Variants in DPP10 observed in about 807,000 individuals in gnomAD.
The protein encoded by DPP10 is dipeptidyl peptidase like 10.
DPP10 carries 33 observed loss-of-function variants against 120.9 expected under a neutral mutation model. The observed-to-expected ratio is 0.27, with a 90% CI of 0.21 to 0.37. The LOEUF (loss-of-function observed/expected upper bound fraction) is 0.37. Ranked by LOEUF, DPP10 falls within the 10% of genes least tolerant of loss-of-function variation. The pLI is 1.00. For missense variants in DPP10, 816 were observed against 942.8 expected (o/e 0.87, Z 1.76); for synonymous variants, 337 against 326.1 (o/e 1.03, Z -0.36).
At position 115,791,003 on chromosome 2, in the gene DPP10, A is replaced by G. The variant is rs1389515711; in HGVS notation, c.1532-78A>G. 3 of 991,102 alleles carry G rather than the reference A, an allele frequency of 3.0e-6. No individual in the cohort carries two copies. The East Asian group carries it at 7.6e-5, about 25-fold the overall frequency. The allele number at this position is 991,102 out of a possible 1,614,324, so 61.4% of individuals were successfully genotyped here. ...GTGCCTGCCAAATGGTAACAAGTGG[A>G]TAATTTTTTGTTGTGTCACACTGAT... On this transcript the variant is annotated intron_variant, in intron 17 of 25. Transcript: ENST00000410059.
At chr2:114,598,497 G>A (rs938461558) in intron 1 of DPP10, among the ~76,000 whole-genome samples, 28 of 151,948 alleles carry the variant, frequency 1.8e-4, no homozygotes, top group Non-Finnish European at 3.4e-4. Context: ...CTATAACTGC[G>A]TTTCAAAGAA....
chr2:115,652,886 C>T (rs560388098), intron 5 of DPP10, among the ~76,000 whole-genome samples: 1 of 152,056 alleles, frequency 6.6e-6, no homozygotes, highest in African/African-American at 2.4e-5. Context: ...AACCACGTGA[C>T]TGGACACCCT....
rs372165331 is a variant in DPP10, at chr2:114,902,042, T to C, written c.61-407197T>C. On this transcript the variant is annotated intron_variant, in intron 1 of 25. Coordinates refer to ENST00000410059, the MANE Select transcript of DPP10 (RefSeq NM_020868.6). ...TTATCATGAGAGTTCTTTGAGAAAGTCAGTCAAAACTTAATCAGAAAAGTG... is the reference window on the plus strand; with the variant it reads ...TTATCATGAGAGTTCTTTGAGAAAGCCAGTCAAAACTTAATCAGAAAAGTG... Among the ~76,000 whole-genome samples, 22 of 152,254 alleles carry C rather than the reference T, an allele frequency of 1.4e-4. No homozygotes were observed. In the East Asian group the frequency reaches 3.5e-3, roughly 24 times the overall value.
At chr2:115,576,341 G>T (rs2081654023) in intron 5 of DPP10, among the ~76,000 whole-genome samples, 1 of 152,186 alleles carries the variant, frequency 6.6e-6, no homozygotes, top group African/African-American at 2.4e-5. Flanking sequence ...GTATAGCAGT[G>T]CATGATAAAT....
chr2:115,539,225 G>C (rs915858947), intron 5 of DPP10, among the ~76,000 whole-genome samples: 1 of 151,944 alleles, frequency 6.6e-6, no homozygotes, highest in Non-Finnish European at 1.5e-5. Context: ...TGTGGAAAAG[G>C]AAAACTCTGG....
At chr2:115,162,402 G>C in intron 1 of DPP10, 1 of 1,279,138 alleles carries the variant, frequency 7.8e-7, no homozygotes, top group Non-Finnish European at 1.0e-6. Context: ...CTGCGCTCCT[G>C]ACGGCCGCTC....
intron 1 of DPP10, among the ~76,000 whole-genome samples, chr2:114,781,416 C>T (rs190238503): frequency 5.3e-4 from 80 of 152,116 alleles, no homozygotes; most frequent in East Asian, 2.1e-3. Context: ...GTGGGATTCA[C>T]GGCTTAATGT....
At chr2:115,331,025 C>A (rs898589953) in intron 2 of DPP10, among the ~76,000 whole-genome samples, 1 of 152,124 alleles carries the variant, frequency 6.6e-6, no homozygotes, top group African/African-American at 2.4e-5. Flanking sequence ...GCAGTATGGC[C>A]ATTTTCACGA....
At chr2:115,404,550 A>G (rs910782096) in intron 3 of DPP10, among the ~76,000 whole-genome samples, 1 of 152,142 alleles carries the variant, frequency 6.6e-6, no homozygotes, top group Admixed American at 6.5e-5. Context: ...AAAAATTGAT[A>G]TTGTGAAAAT....
chr2:115,077,088 T>C (rs1559065834), intron 1 of DPP10, among the ~76,000 whole-genome samples: 1 of 152,202 alleles, frequency 6.6e-6, no homozygotes, highest in East Asian at 1.9e-4. Flanking sequence ...CTGTCACTAC[T>C]AACATCTCCA....
At chr2:115,270,406 G>A (rs2059649706) in intron 1 of DPP10, among the ~76,000 whole-genome samples, 1 of 152,018 alleles carries the variant, frequency 6.6e-6, no homozygotes, top group Non-Finnish European at 1.5e-5. Context: ...ATAGAAAGAG[G>A]ACCTGTGGGG....
rs1316481554 is a variant in DPP10, at chr2:115,040,856, C to A, written c.61-268383C>A. Among the ~76,000 whole-genome samples the A allele has an allele frequency of 3.3e-5, 5 of 152,234 alleles. No individual in the cohort carries two copies. The South Asian group carries it at 8.3e-4, about 25-fold the overall frequency. On this transcript the variant is annotated intron_variant, in intron 1 of 25. Coordinates refer to ENST00000410059, the MANE Select transcript of DPP10 (RefSeq NM_020868.6). Reference sequence around the variant, plus strand: ...TGAGGCTGCCGGGTGTGGTGTTTCACCCCTGTAATCCCAGCACTTTGGGAG... The same window carrying A: ...TGAGGCTGCCGGGTGTGGTGTTTCAACCCTGTAATCCCAGCACTTTGGGAG...
At chr2:114,674,604 C>T (rs1428326794) in intron 1 of DPP10, among the ~76,000 whole-genome samples, 1 of 152,150 alleles carries the variant, frequency 6.6e-6, no homozygotes, top group Non-Finnish European at 1.5e-5. Flanking sequence ...TTCCTAAAAA[C>T]GTGAGTCACG....
chr2:115,064,904 T>C (rs1216167420), intron 1 of DPP10: 7 of 1,209,444 alleles, frequency 5.8e-6, no homozygotes, highest in Non-Finnish European at 7.6e-6. Context: ...TGTCTTTTCC[T>C]ATTTTTCTTT....
chr2:114,861,041 G>A (rs766984652), intron 1 of DPP10, among the ~76,000 whole-genome samples: 1 of 152,090 alleles, frequency 6.6e-6, no homozygotes, highest in Non-Finnish European at 1.5e-5. Flanking sequence ...AAAGGTCCAC[G>A]CTTTCAAACT....
At chr2:114,990,740 A>G (rs1395257177) in intron 1 of DPP10, among the ~76,000 whole-genome samples, 1 of 152,124 alleles carries the variant, frequency 6.6e-6, no homozygotes, top group Admixed American at 6.6e-5. Flanking sequence ...ACACCCTTTG[A>G]AGTTAACATC....
intron 3 of DPP10, among the ~76,000 whole-genome samples, chr2:115,493,564 A>G (rs1460830789): frequency 6.6e-6 from 1 of 151,528 alleles, no homozygotes; most frequent in Non-Finnish European, 1.5e-5. Context: ...GCCTTTGTTT[A>G]GATAGCAATT....
intron 3 of DPP10, among the ~76,000 whole-genome samples, chr2:115,443,424 G>T (rs2072263153): frequency 6.6e-6 from 1 of 152,124 alleles, no homozygotes; most frequent in Non-Finnish European, 1.5e-5. Context: ...AGATTTGGAA[G>T]TTTTTTATTC....
At chr2:114,513,814 G>T (rs1573536760) in intron 1 of DPP10, among the ~76,000 whole-genome samples, 1 of 152,106 alleles carries the variant, frequency 6.6e-6, no homozygotes, top group African/African-American at 2.4e-5. Context: ...ATAAGGACAG[G>T]TGAATTAATA....
Sources: allele counts gnomAD v4.1 joint callset (sites outside exome capture counted in the v4.1 genomes callset), GRCh38; gene constraint gnomAD v4.1.1; transcripts MANE v1.5; gene names NCBI Gene and HGNC (gene_info 2026-07-23, HGNC 2026-07-21).